Variants in RGS17 observed in about 807,000 individuals in gnomAD.
The protein encoded by RGS17 is regulator of G protein signaling 17.
In RGS17, 12 loss-of-function variants were observed where a neutral mutation model predicts 25.5. The observed-to-expected ratio is 0.47, with a 90% CI of 0.30 to 0.76. RGS17 has a LOEUF of 0.76. RGS17 is among the 30% of genes least tolerant of loss of function. The pLI is 0.07. For missense variants in RGS17, 196 were observed against 242.2 expected, an observed-to-expected ratio of 0.81 and a Z score of 1.27; for synonymous variants, 71 against 76.9, an observed-to-expected ratio of 0.92 and a Z score of 0.40.
chr6:153,061,864 A>C (rs1776643762), intron 1 of RGS17, among the ~76,000 whole-genome samples: 1 of 152,214 alleles, frequency 6.6e-6, no homozygotes, highest in African/African-American at 2.4e-5. Context: ...GAACAGCTTT[A>C]CTTGGCCATC....
chr6:153,057,683 A>C (rs1776579532), intron 1 of RGS17, among the ~76,000 whole-genome samples: 1 of 152,226 alleles, frequency 6.6e-6, no homozygotes, highest in South Asian at 2.1e-4. Context: ...GTAATATATA[A>C]TGAAATAATT....
intron 1 of RGS17, among the ~76,000 whole-genome samples, chr6:153,073,028 C>T (rs568978914): frequency 3.3e-4 from 51 of 152,270 alleles, no homozygotes; most frequent in Non-Finnish European, 3.5e-4. Flanking sequence ...ACTACACACA[C>T]ATCAGGCCAA....
chr6:153,076,970 A>C (rs1436038635), intron 1 of RGS17, among the ~76,000 whole-genome samples: 1 of 148,300 alleles, frequency 6.7e-6, no homozygotes, highest in Non-Finnish European at 1.5e-5. Flanking sequence ...ATTCTGCACT[A>C]GTTATAAGGG....
chr6:153,016,898 C>A (rs1275870974), intron 4 of RGS17, among the ~76,000 whole-genome samples: 1 of 152,096 alleles, frequency 6.6e-6, no homozygotes, highest in African/African-American at 2.4e-5. Flanking sequence ...GCCACAGTCA[C>A]CCTAGGATTC....
chr6:153,128,430 C>G (rs1218464939), intron 1 of RGS17, among the ~76,000 whole-genome samples: 1 of 152,184 alleles, frequency 6.6e-6, no homozygotes, highest in Non-Finnish European at 1.5e-5. Context: ...CATCGTACCT[C>G]ATCATCCATG....
chr6:153,073,740 C>T (rs1776839358), intron 1 of RGS17, among the ~76,000 whole-genome samples: 1 of 152,060 alleles, frequency 6.6e-6, no homozygotes, highest in Non-Finnish European at 1.5e-5. Context: ...TATTCCCAGC[C>T]ACTCCATCCT....
Position 153,026,489 on chromosome 6 carries a change from A to T in RGS17, c.174T>A (p.Thr58=). Residue 58 remains threonine (T), a synonymous_variant, in exon 3 of 5, where the codon ACT becomes ACA. Transcript: ENST00000206262. ...RGENAGRPTH[T]TKMESIQVLE... ...GGACCTGGATACTCTCCATTTTTGT[A>T]GTGTGTGTGGGTCTTCCCGCATTTT... is the stretch of plus-strand genomic sequence containing the variant. 1 of 1,613,132 alleles carries T rather than the reference A, an allele frequency of 6.2e-7. No homozygotes were observed. Among genetic ancestry groups the T allele is most frequent in the Non-Finnish European group, 8.5e-7 (1 of 1,179,318 alleles).
chr6:153,113,038 A>T (rs1347603519), intron 1 of RGS17, among the ~76,000 whole-genome samples: 1 of 152,246 alleles, frequency 6.6e-6, no homozygotes, highest in Non-Finnish European at 1.5e-5. Flanking sequence ...ACCATCTAGC[A>T]TCATAATGAC....
intron 2 of RGS17, among the ~76,000 whole-genome samples, chr6:153,042,820 G>C (rs970768772): frequency 2.0e-5 from 3 of 152,134 alleles, no homozygotes; most frequent in African/African-American, 7.2e-5. Context: ...TGGCCACAAT[G>C]ATACAACATT....
rs138633492 is a variant in RGS17, at chr6:153,070,708, C to CATAT, written c.-25-26669_-25-26666dup. 8.3e-4 allele frequency among the ~76,000 whole-genome samples: 105 copies of CATAT among 126,050 alleles called. 2 individuals are homozygous for CATAT. Among genetic ancestry groups the CATAT allele is most frequent in the Non-Finnish European group, 9.4e-4 (56 of 59,884 alleles). 82.7% of individuals were successfully genotyped at this position (126,050 alleles called of 152,430 possible). ...GTGTGTGTGTGTGTGTGTGTATATA[C>CATAT]ATATATATATACACATATACATATA... is the stretch of plus-strand genomic sequence containing the variant. On this transcript the variant is annotated intron_variant, in intron 1 of 4. Transcript: ENST00000206262.
At chr6:153,088,594 A>T (rs543867965) in intron 1 of RGS17, among the ~76,000 whole-genome samples, 1 of 152,226 alleles carries the variant, frequency 6.6e-6, no homozygotes, top group Non-Finnish European at 1.5e-5. Flanking sequence ...GGAAATCATT[A>T]TTCTTATGTT....
At chr6:153,110,704 G>A (rs1383366812) in intron 1 of RGS17, among the ~76,000 whole-genome samples, 1 of 152,180 alleles carries the variant, frequency 6.6e-6, no homozygotes, top group Admixed American at 6.5e-5. Flanking sequence ...AACGCAGAAG[G>A]CAGGTGATTT....
intron 1 of RGS17, among the ~76,000 whole-genome samples, chr6:153,047,201 C>T (rs1359750614): frequency 6.6e-6 from 1 of 152,102 alleles, no homozygotes; most frequent in Non-Finnish European, 1.5e-5. Flanking sequence ...CTGGAACCTA[C>T]TTCAGTCAGA....
At chr6:153,055,642 T>A (rs990582335) in intron 1 of RGS17, among the ~76,000 whole-genome samples, 6 of 152,130 alleles carry the variant, frequency 3.9e-5, no homozygotes, top group Non-Finnish European at 7.4e-5. Context: ...ATCTAGTCCT[T>A]ACGGTGAGGT....
intron 4 of RGS17, among the ~76,000 whole-genome samples, chr6:153,023,918 T>A (rs1411501582): frequency 6.6e-6 from 1 of 152,234 alleles, no homozygotes; most frequent in African/African-American, 2.4e-5. Context: ...CTCATTCACA[T>A]GATCTAGGGG....
chr6:153,082,154 T>G (rs900048278), intron 1 of RGS17, among the ~76,000 whole-genome samples: 1 of 152,224 alleles, frequency 6.6e-6, no homozygotes, highest in Non-Finnish European at 1.5e-5. Context: ...TGGCTCTTTT[T>G]AAGACTGCTG....
chr6:153,094,503 A>G (rs1327517874), intron 1 of RGS17, among the ~76,000 whole-genome samples: 1 of 152,100 alleles, frequency 6.6e-6, no homozygotes, highest in African/African-American at 2.4e-5. Flanking sequence ...TCTCTACCTA[A>G]TTTCCATGGT....
intron 1 of RGS17, among the ~76,000 whole-genome samples, chr6:153,072,693 G>C (rs1388254636): frequency 1.3e-5 from 2 of 152,180 alleles, no homozygotes. Context: ...CAGAAGTAGA[G>C]GCCTCATGCC....
At chr6:153,068,856 T>C (rs1776744648) in intron 1 of RGS17, among the ~76,000 whole-genome samples, 2 of 152,102 alleles carry the variant, frequency 1.3e-5, no homozygotes, top group Admixed American at 1.3e-4. Flanking sequence ...GAAAATTTGC[T>C]CAACATCAAA....
Sources: gnomAD v4.1 joint callset for allele counts (sites outside exome capture counted in the v4.1 genomes callset) on GRCh38, gnomAD v4.1.1 for gene constraint, MANE v1.5 for transcripts, NCBI Gene and HGNC (gene_info 2026-07-23, HGNC 2026-07-21) for gene names.